PM20D2: variants seen among roughly 807,000 people sequenced by gnomAD.
PM20D2 encodes xaa-Arg dipeptidase.
PM20D2 carries 33 observed loss-of-function variants against 42.9 expected under a neutral mutation model. That is an observed-to-expected ratio of 0.77 (90% CI 0.58 to 1.03). The LOEUF is 1.03. PM20D2 is among the 50% of genes least tolerant of loss of function. The pLI is 0.00. For synonymous variants in PM20D2, 250 were observed against 228.2 expected, an observed-to-expected ratio of 1.10 and a Z score of -0.86; for missense variants, 548 against 557.0, an observed-to-expected ratio of 0.98 and a Z score of 0.16.
At chr6:89,095,663 T>A in the PM20D2 span, among the ~76,000 whole-genome samples, 1 of 152,256 alleles carries the variant, frequency 6.6e-6, no homozygotes. Context: ...CTGGAATTAA[T>A]TTACATTTAA....
At chr6:89,157,909 A>G (rs997933944) in intron 4 of PM20D2, among the ~76,000 whole-genome samples, 9 of 152,340 alleles carry the variant, frequency 5.9e-5, no homozygotes, top group African/African-American at 2.2e-4. Flanking sequence ...TGGGAGGCTA[A>G]GGCAGGAGAA....
chr6:89,125,349 A>G, the PM20D2 span, among the ~76,000 whole-genome samples: 1 of 152,164 alleles, frequency 6.6e-6, no homozygotes, highest in Non-Finnish European at 1.5e-5. Flanking sequence ...GTGTGGTGGC[A>G]GGCGCCTGTA....
chr6:89,096,977 G>A, the PM20D2 span: 4 of 152,218 alleles, frequency 2.6e-5, no homozygotes, highest in East Asian at 7.7e-4. Context: ...TTGTAGTTTT[G>A]AAATAAATTT....
At chr6:89,142,858 C>G (rs1459680074), upstream of PM20D2, among the ~76,000 whole-genome samples, 3 of 152,116 alleles carry the variant, frequency 2.0e-5, no homozygotes, top group African/African-American at 7.2e-5. Context: ...CGGGGTTTCA[C>G]CATGTTAGCC....
rs756587949 is a variant in PM20D2 at position 89,153,269 on chromosome 6, A to C, written c.757+84A>C. 6.8e-5 allele frequency: 77 copies of C among 1,130,818 alleles called. 1 individual carries two copies. The highest frequency in any genetic ancestry group is 9.9e-5 in the Admixed American group (3 of 30,340). 70.0% of individuals were successfully genotyped at this position (1,130,818 alleles called of 1,614,324 possible). A position where few individuals can be genotyped will look rare whatever the true frequency, so the allele number is the denominator to read the frequency against. On this transcript the variant is annotated intron_variant, in intron 3 of 6. Transcript: ENST00000275072. The stretch of plus-strand genomic sequence containing the variant: ...AATTATTTAATATTCAATTTTTAAA[A>C]ATTTGGAAATATTTTTGTACTTCAT...
chr6:89,155,638 A>G (rs1014373644), intron 4 of PM20D2, among the ~76,000 whole-genome samples: 1 of 152,122 alleles, frequency 6.6e-6, no homozygotes, highest in Non-Finnish European at 1.5e-5. Context: ...TGATATAAAT[A>G]CTATGGCTTG....
the PM20D2 span, among the ~76,000 whole-genome samples, chr6:89,094,777 G>A: frequency 2.6e-3 from 332 of 125,796 alleles, 2 homozygotes; most frequent in African/African-American, 9.2e-3. Flanking sequence ...ATTCTGCTAC[G>A]CATCTTTTTT....
chr6:89,111,362 C>G, the PM20D2 span, among the ~76,000 whole-genome samples: 1 of 152,130 alleles, frequency 6.6e-6, no homozygotes, highest in Non-Finnish European at 1.5e-5. Context: ...TGCAAAGGTT[C>G]TGCACATTTT....
chr6:89,130,810 C>CTGCTGCTGCTTTT, the PM20D2 span, among the ~76,000 whole-genome samples: 5 of 57,626 alleles, frequency 8.7e-5, no homozygotes, highest in African/African-American at 3.4e-4. Flanking sequence ...TTGTATCTGG[C>CTGCTGCTGCTTTT]TTCTTCTTCT....
At chr6:89,139,817 G>A in the PM20D2 span, among the ~76,000 whole-genome samples, 139 of 152,260 alleles carry the variant, frequency 9.1e-4, no homozygotes, top group African/African-American at 3.2e-3. Flanking sequence ...GAGGTTCTGG[G>A]GGAAAAGAGA....
In PM20D2 at chr6:89,146,327, G is replaced by C. The variant is rs1489159095; in HGVS notation, c.183G>C (p.Val61=). The change falls in exon 1 of 7, where the codon GTG becomes GTC. Residue 61 remains valine, a synonymous_variant. Transcript: ENST00000275072. Reference sequence around the variant, plus strand: ...ACGAGGAGCACCATGCCCACCGCGTGCTGACGCACTTCTTCGAGCGGGAGC... The same window carrying C: ...ACGAGGAGCACCATGCCCACCGCGTCCTGACGCACTTCTTCGAGCGGGAGC... ...LAYEEHHAHR[V]LTHFFEREPP... 6.3e-7 allele frequency: 1 copy of C among 1,574,850 alleles called. No homozygotes were observed. The highest frequency in any genetic ancestry group is 1.8e-5 in the Admixed American group (1 of 56,300).
the PM20D2 span, chr6:89,105,187 G>A: frequency 6.2e-7 from 1 of 1,612,096 alleles, no homozygotes; most frequent in Non-Finnish European, 8.5e-7. Context: ...TTCTTCTTTG[G>A]CTGGGGCTTC....
At chr6:89,110,176 CAA>C in the PM20D2 span, among the ~76,000 whole-genome samples, 1 of 152,130 alleles carries the variant, frequency 6.6e-6, no homozygotes, top group Non-Finnish European at 1.5e-5. Context: ...CTTCTGTTAC[CAA>C]TGGAGGGTCT....
chr6:89,139,261 G>A, the PM20D2 span, among the ~76,000 whole-genome samples: 1 of 152,022 alleles, frequency 6.6e-6, no homozygotes, highest in African/African-American at 2.4e-5. Context: ...TGTGTGAGAA[G>A]ATGGGGTCTT....
At chr6:89,154,441 T>A (rs1435521355) in intron 3 of PM20D2, among the ~76,000 whole-genome samples, 1 of 152,218 alleles carries the variant, frequency 6.6e-6, no homozygotes, top group East Asian at 1.9e-4. Context: ...GTTACTAATT[T>A]TTTTTGTGGT....
At chr6:89,110,494 C>T in the PM20D2 span, among the ~76,000 whole-genome samples, 4 of 152,180 alleles carry the variant, frequency 2.6e-5, no homozygotes, top group African/African-American at 9.7e-5. Context: ...CAAAGTTACA[C>T]ATGAAGACTT....
the PM20D2 span, chr6:89,105,292 A>G: frequency 6.3e-7 from 1 of 1,585,968 alleles, no homozygotes; most frequent in Non-Finnish European, 8.6e-7. Flanking sequence ...TTATGACATA[A>G]TTCGTTACCT....
rs1771335551 is a variant in PM20D2, at chr6:89,164,233, C to A, written c.*1970C>A. ...ATAAACTTAAAAGTGTTTTGATTTC[C>A]CACAATTTCCCAAAGGAATGTTTAT... On this transcript the variant is annotated 3_prime_UTR_variant, in exon 7 of 7. Transcript: ENST00000275072. 6.6e-6 allele frequency: 1 copy of A among 152,010 alleles called. No homozygotes were observed. Among genetic ancestry groups the A allele is most frequent in the Non-Finnish European group, 1.5e-5 (1 of 67,988 alleles). The allele number at this position is 152,010 out of a possible 1,614,324, so 9.4% of individuals were successfully genotyped here.
rs548086204 is a variant in PM20D2, at chr6:89,148,592, T to C, written c.466-673T>C. The C allele has an allele frequency of 5.9e-5, 57 of 974,350 alleles. No individual in the cohort carries two copies. The African/African-American group carries it at 9.5e-4, about 16-fold the overall frequency. 60.4% of individuals were successfully genotyped at this position (974,350 alleles called of 1,614,324 possible). A position where few individuals can be genotyped will look rare whatever the true frequency, so the allele number is the denominator to read the frequency against. Reference sequence around the variant, plus strand: ...TCGAATTAGTAAGTTTGTGTAATAGTTGGCTGTTTCTAACTGTGGCATTAA... The same window carrying C: ...TCGAATTAGTAAGTTTGTGTAATAGCTGGCTGTTTCTAACTGTGGCATTAA... On this transcript the variant is annotated intron_variant, in intron 1 of 6. Coordinates refer to ENST00000275072, the MANE Select transcript of PM20D2 (RefSeq NM_001010853.3).
Sources: allele counts gnomAD v4.1 joint callset (sites outside exome capture counted in the v4.1 genomes callset), GRCh38; gene constraint gnomAD v4.1.1; transcripts MANE v1.5; gene names NCBI Gene and HGNC (gene_info 2026-07-23, HGNC 2026-07-21).